CACNA1B: variants seen among roughly 807,000 people sequenced by gnomAD.
CACNA1B encodes voltage-dependent N-type calcium channel subunit alpha-1B.
A neutral mutation model predicts 247.2 loss-of-function variants in CACNA1B; 70 were observed. The ratio of observed to expected loss-of-function variants is 0.28; its 90% CI spans 0.23 to 0.35. CACNA1B has a LOEUF of 0.35. Ranked by LOEUF, CACNA1B falls within the 10% of genes least tolerant of loss-of-function variation. CACNA1B has a pLI of 1.00. For synonymous variants in CACNA1B, 1,231 were observed against 1,294.4 expected (o/e 0.95, Z 1.05); for missense variants, 2,367 against 3,197.4 (o/e 0.74, Z 6.26).
rs1376162541 is a variant in CACNA1B at position 137,955,846 on chromosome 9, C to G, written c.1186+33C>G. 8 of 1,381,442 alleles carry G rather than the reference C, an allele frequency of 5.8e-6. No individual in the cohort carries two copies. The highest frequency in any genetic ancestry group is 2.8e-5 in the African/African-American group (2 of 70,238). 85.6% of individuals were successfully genotyped at this position (1,381,442 alleles called of 1,614,324 possible). ...CCCGTGGGAGCCACTGCACTCCTGG[C>G]CGGCCACTGTTAGTTCTCTGTCCCC... On this transcript the variant is annotated intron_variant, in intron 8 of 46. Transcript: ENST00000371372. The surrounding 1 kb of genome is among the most constrained non-coding windows in gnomAD (Gnocchi z 6.9).
intron 35 of CACNA1B, among the ~76,000 whole-genome samples, chr9:138,076,683 C>T (rs1031787485): frequency 6.6e-6 from 1 of 152,200 alleles, no homozygotes; most frequent in Non-Finnish European, 1.5e-5. Context: ...GGTGGGTGAA[C>T]ATGTTTTCCT....
Position 138,043,895 on chromosome 9 carries a change from C to G in CACNA1B, c.3408C>G (p.Thr1136=). The G allele has an allele frequency of 6.2e-7, 1 of 1,613,400 alleles. No individual in the cohort carries two copies. Among genetic ancestry groups the G allele is most frequent in the Non-Finnish European group, 8.5e-7 (1 of 1,179,376 alleles). The change falls in exon 21 of 47, where the codon ACC becomes ACG. Residue 1136 remains threonine (T), a synonymous_variant. Coordinates refer to ENST00000371372, the MANE Select transcript of CACNA1B (RefSeq NM_000718.4). ...GCTCCATGTTCTGTTTAAGCCCCACCAACCTGTGAGTCTCCTTGCCTGCTG... is the reference window on the plus strand; with the variant it reads ...GCTCCATGTTCTGTTTAAGCCCCACGAACCTGTGAGTCTCCTTGCCTGCTG... ...PYSSMFCLSP[T]NLLRRFCHYI... is the part of the protein sequence containing the mutation.
intron 39 of CACNA1B, among the ~76,000 whole-genome samples, chr9:138,111,362 C>T (rs1404652327): frequency 1.3e-5 from 2 of 152,232 alleles, no homozygotes; most frequent in Non-Finnish European, 2.9e-5. Context: ...GTATGACTCT[C>T]ACATGCACCA....
rs1043727135 is a variant in CACNA1B, at chr9:138,074,199, C to T, written c.4857+133C>T. 11 of 726,928 alleles carry T rather than the reference C, an allele frequency of 1.5e-5. 1 individual carries two copies. The highest frequency in any genetic ancestry group is 2.5e-5 in the Non-Finnish European group (10 of 403,886). 45.0% of individuals were successfully genotyped at this position (726,928 alleles called of 1,614,324 possible). A position where few individuals can be genotyped will look rare whatever the true frequency, so the allele number is the denominator to read the frequency against. ...GTGAACATTCTCTGTGAGCCAGATC[C>T]TGCTTTGAGCACTTGCTGAACTTAC... On this transcript the variant is annotated intron_variant, in intron 34 of 46. Coordinates refer to ENST00000371372, the MANE Select transcript of CACNA1B (RefSeq NM_000718.4).
chr9:137,987,588 T>C (rs1488096612), intron 15 of CACNA1B, among the ~76,000 whole-genome samples: 8 of 152,228 alleles, frequency 5.3e-5, no homozygotes, highest in Admixed American at 5.2e-4. Flanking sequence ...CTGTGTTTGC[T>C]GCAGGCCAGG....
At chr9:137,939,082 A>G (rs927880163) in intron 6 of CACNA1B, among the ~76,000 whole-genome samples, 4 of 152,142 alleles carry the variant, frequency 2.6e-5, no homozygotes, top group African/African-American at 7.2e-5. Context: ...AAGAAAAAAA[A>G]AGAGAGAGAA....
chr9:137,976,289 A>T (rs1475148085), intron 12 of CACNA1B, among the ~76,000 whole-genome samples: 9 of 152,204 alleles, frequency 5.9e-5, no homozygotes, highest in African/African-American at 1.7e-4. Context: ...TTTCATAATC[A>T]GCTGAAGGCT....
At chr9:137,989,539 A>G (rs1265810500) in intron 15 of CACNA1B, among the ~76,000 whole-genome samples, 1 of 152,220 alleles carries the variant, frequency 6.6e-6, no homozygotes, top group Non-Finnish European at 1.5e-5. Flanking sequence ...TCTCAAGAAA[A>G]TCTTATACGC....
intron 20 of CACNA1B, among the ~76,000 whole-genome samples, chr9:138,033,003 C>T (rs1959003664): frequency 6.6e-6 from 1 of 152,152 alleles, no homozygotes; most frequent in African/African-American, 2.4e-5. Flanking sequence ...CTTTCCAGGA[C>T]TCTGATGACA....
At chr9:138,082,800 A>G (rs1400150061) in intron 36 of CACNA1B, among the ~76,000 whole-genome samples, 1 of 151,268 alleles carries the variant, frequency 6.6e-6, no homozygotes. Flanking sequence ...CAATGAACAA[A>G]AAATTACATT....
Position 137,881,421 on chromosome 9 carries a change from G to T in CACNA1B, c.391-1323G>T, listed in dbSNP as rs1439151736. On this transcript the variant is annotated intron_variant, in intron 2 of 46. Coordinates refer to ENST00000371372, the MANE Select transcript of CACNA1B (RefSeq NM_000718.4). The surrounding 1 kb of genome is among the most constrained non-coding windows in gnomAD (Gnocchi z 4.3). ...AGAGCCTGGCTTCCTGGGGAGGAAG[G>T]CACAGGCTGTGGAACTGGTGGCACT... is the stretch of plus-strand genomic sequence containing the variant. 1.3e-5 allele frequency among the ~76,000 whole-genome samples: 2 copies of T among 152,178 alleles called. No homozygotes were observed. Among genetic ancestry groups the T allele is most frequent in the African/African-American group, 4.8e-5 (2 of 41,438 alleles).
intron 3 of CACNA1B, among the ~76,000 whole-genome samples, chr9:137,906,911 T>G (rs1049261051): frequency 6.6e-6 from 1 of 152,204 alleles, no homozygotes; most frequent in Non-Finnish European, 1.5e-5. Flanking sequence ...ACATTGGGAG[T>G]TAGCTTGGGA....
chr9:138,070,839 C>T (rs1960104979), intron 32 of CACNA1B, among the ~76,000 whole-genome samples: 2 of 152,244 alleles, frequency 1.3e-5, no homozygotes, highest in Admixed American at 1.3e-4. Context: ...ATGTCTCTTT[C>T]CCGTCTTCAA....
intron 10 of CACNA1B, among the ~76,000 whole-genome samples, chr9:137,967,314 G>A (rs891856936): frequency 4.6e-5 from 7 of 152,136 alleles, no homozygotes; most frequent in Admixed American, 1.3e-4. Flanking sequence ...GTAAGTCACA[G>A]CCTTTCCAGT....
At chr9:138,026,498 A>G (rs1382922788) in intron 20 of CACNA1B, among the ~76,000 whole-genome samples, 1 of 152,182 alleles carries the variant, frequency 6.6e-6, no homozygotes, top group African/African-American at 2.4e-5. Context: ...TGCCTTTTCT[A>G]GACTGTCATA....
chr9:138,096,051 C>T (rs1961044728), intron 36 of CACNA1B, among the ~76,000 whole-genome samples: 1 of 152,166 alleles, frequency 6.6e-6, no homozygotes, highest in Non-Finnish European at 1.5e-5. Context: ...ATTGTGAATA[C>T]ACTAAATGCC....
Position 138,121,803 on chromosome 9 carries a change from A to G in CACNA1B, c.6824A>G (p.Glu2275Gly). 1 of 1,613,228 alleles carries G rather than the reference A, an allele frequency of 6.2e-7. No homozygotes were observed. Among genetic ancestry groups the G allele is most frequent in the Non-Finnish European group, 8.5e-7 (1 of 1,179,762 alleles). ...DSEASVHALP[E>G]DTLTFEEAVA... Reference sequence around the variant, plus strand: ...GAGGCCTCTGTCCACGCCCTGCCTGAGGACACTCTCACTTTCGAGGAGGCT... The same window carrying G: ...GAGGCCTCTGTCCACGCCCTGCCTGGGGACACTCTCACTTTCGAGGAGGCT... The change falls in exon 47 of 47, where the codon GAG becomes GGG. Residue 2275 changes from glutamate to glycine, a missense_variant. Glu to Gly is a moderately conservative substitution (Grantham distance 98). Coordinates refer to ENST00000371372, the MANE Select transcript of CACNA1B (RefSeq NM_000718.4). This position sits in a 1 kb window ranked among gnomAD's most constrained non-coding sequence, Gnocchi z 6.8.
rs542249863 is a variant in CACNA1B, at chr9:137,880,559, G to A, written c.390+1400G>A. ...TCAAGCTGTCTTGCCCTGCCAGGCA[G>A]TGGGTGTCCAGCCTTGCAAGTTCCT... On this transcript the variant is annotated intron_variant, in intron 2 of 46. Coordinates refer to ENST00000371372, the MANE Select transcript of CACNA1B (RefSeq NM_000718.4). This position sits in a 1 kb window ranked among gnomAD's most constrained non-coding sequence, Gnocchi z 4.8. Among the ~76,000 whole-genome samples the A allele has an allele frequency of 6.6e-6, 1 of 152,214 alleles. No homozygotes were observed. The highest frequency in any genetic ancestry group is 1.9e-4 in the East Asian group (1 of 5,194).
chr9:137,878,338 G>C, intron 1 of CACNA1B, 121 bp downstream of exon 1: 1 of 926,986 alleles, frequency 1.1e-6, no homozygotes, highest in Non-Finnish European at 1.4e-6. Context: ...GACGGGCGAG[G>C]GGGGTACGGA....
Sources: allele counts gnomAD v4.1 joint callset (sites outside exome capture counted in the v4.1 genomes callset), GRCh38; gene constraint gnomAD v4.1.1; non-coding constraint Gnocchi (gnomAD v3.1); transcripts MANE v1.5; gene names NCBI Gene and HGNC (gene_info 2026-07-23, HGNC 2026-07-21).